PALM2AKAP2: variants seen among roughly 807,000 people sequenced by gnomAD.
The protein encoded by PALM2AKAP2 is PALM2 and AKAP2 fusion, also known as PALM2-AKAP2 fusion protein.
In PALM2AKAP2, 37 loss-of-function variants were observed where a neutral mutation model predicts 71.5. That is an observed-to-expected ratio of 0.52 (90% CI 0.40 to 0.68). PALM2AKAP2 has a LOEUF of 0.68. Among genes scored for constraint, PALM2AKAP2 ranks in the 30% least tolerant of loss-of-function variants. The pLI, the probability that PALM2AKAP2 is intolerant of heterozygous loss-of-function variation, is 0.00. For missense variants in PALM2AKAP2, 1,224 were observed against 1,191.8 expected (o/e 1.03, Z -0.40); for synonymous variants, 468 against 478.8 (o/e 0.98, Z 0.29).
At chr9:109,686,953 T>A (rs141613624) in intron 1 of PALM2AKAP2, among the ~76,000 whole-genome samples, 107 of 152,226 alleles carry the variant, frequency 7.0e-4, no homozygotes, top group African/African-American at 2.3e-3. Context: ...TTGTGATAGT[T>A]TGCTGAGAAT....
chr9:109,994,271 A>G (rs1411156899), intron 6 of PALM2AKAP2, among the ~76,000 whole-genome samples: 4 of 152,240 alleles, frequency 2.6e-5, no homozygotes, highest in African/African-American at 9.6e-5. Flanking sequence ...CGGCAGAGGA[A>G]GACTTTGGGA....
At chr9:110,028,619 A>T (rs1335312249) in intron 7 of PALM2AKAP2, among the ~76,000 whole-genome samples, 1 of 152,178 alleles carries the variant, frequency 6.6e-6, no homozygotes, top group Non-Finnish European at 1.5e-5. Flanking sequence ...GACACTTTGT[A>T]GCCTCTCTGT....
rs34079610 is a variant in PALM2AKAP2 at position 109,820,721 on chromosome 9, G to A, written c.45+40188G>A. 6.3e-3 allele frequency among the ~76,000 whole-genome samples: 962 copies of A among 152,300 alleles called. 6 individuals carry two copies. The highest frequency in any genetic ancestry group is 9.5e-3 in the Non-Finnish European group (644 of 68,032). ...CTCCATGTCTCCTTCAGTTGTAGTC[G>A]TTGGGAGAATCCATGGGTTGACTGG... On this transcript the variant is annotated intron_variant, in intron 1 of 9. Transcript: ENST00000302798.
chr9:110,082,739 G>A (rs1257382868), intron 1 of PALM2AKAP2, among the ~76,000 whole-genome samples: 1 of 152,152 alleles, frequency 6.6e-6, no homozygotes, highest in Non-Finnish European at 1.5e-5. Context: ...CCATGTTAAG[G>A]TATACAGTTC....
intron 3 of PALM2AKAP2, among the ~76,000 whole-genome samples, chr9:109,921,591 T>C (rs1588009990): frequency 6.6e-6 from 1 of 152,366 alleles, no homozygotes; most frequent in Non-Finnish European, 1.5e-5. Context: ...AGCGATGTTA[T>C]TTCCTGGCAG....
intron 1 of PALM2AKAP2, chr9:110,127,539 G>A (rs922686196): frequency 1.3e-5 from 2 of 152,230 alleles, no homozygotes; most frequent in Non-Finnish European, 2.9e-5. Flanking sequence ...GTTATCACCC[G>A]GGGCCTCTCC....
intron 2 of PALM2AKAP2, among the ~76,000 whole-genome samples, chr9:110,152,510 T>A (rs1215961998): frequency 1.3e-5 from 2 of 152,154 alleles, no homozygotes; most frequent in Non-Finnish European, 2.9e-5. Context: ...GGGCATGTCC[T>A]CTTGGCCAAG....
At chr9:110,081,353 C>T (rs73657338) in intron 1 of PALM2AKAP2, among the ~76,000 whole-genome samples, 2,043 of 152,230 alleles carry the variant, frequency 0.013, 52 homozygotes, top group African/African-American at 0.047. Context: ...CTGTTATTTA[C>T]GTTTTGGAAT....
chr9:110,156,673 G>A (rs1031311802), intron 3 of PALM2AKAP2, among the ~76,000 whole-genome samples, 176 bp downstream of exon 9: 1 of 151,982 alleles, frequency 6.6e-6, no homozygotes, highest in African/African-American at 2.4e-5. Flanking sequence ...GTTTTTGCCT[G>A]TTTCAAAAAA....
intron 1 of PALM2AKAP2, among the ~76,000 whole-genome samples, chr9:109,753,736 G>A (rs757527954): frequency 1.7e-4 from 26 of 152,028 alleles, no homozygotes; most frequent in Non-Finnish European, 2.8e-4. Flanking sequence ...TGTGCCTATC[G>A]TTTACTAAAT....
At chr9:109,928,053 G>C (rs540965925) in intron 5 of PALM2AKAP2, among the ~76,000 whole-genome samples, 1 of 152,260 alleles carries the variant, frequency 6.6e-6, no homozygotes, top group East Asian at 1.9e-4. Flanking sequence ...CTTCATACCA[G>C]TTATTCGCAA....
At chr9:109,698,272 ATTTTTTT>A (rs774359983) in intron 1 of PALM2AKAP2, among the ~76,000 whole-genome samples, 78 of 118,566 alleles carry the variant, frequency 6.6e-4, no homozygotes, top group Non-Finnish European at 1.1e-3. Context: ...TGTGTGCTAC[ATTTTTTT>A]TTTTTTTTTT....
At position 109,696,543 on chromosome 9, in the gene PALM2AKAP2, G is replaced by T. The variant is rs116922305; in HGVS notation, c.5+55677G>T. Among the ~76,000 whole-genome samples the T allele has an allele frequency of 5.2e-3, 792 of 152,306 alleles. 1 individual carries two copies. The highest frequency in any genetic ancestry group is 0.01 in the Admixed American group (160 of 15,298). The stretch of plus-strand genomic sequence containing the variant: ...TGGCAATATCTATCAGAATTTTAAA[G>T]TTTATAGCTTTTGACCTGGTTATTT... On this transcript the variant is annotated intron_variant, in intron 1 of 6. Transcript: ENST00000374531.
At chr9:109,962,354 A>G (rs1831866091) in intron 6 of PALM2AKAP2, among the ~76,000 whole-genome samples, 2 of 152,236 alleles carry the variant, frequency 1.3e-5, no homozygotes, top group Non-Finnish European at 2.9e-5. Flanking sequence ...AGTAGGGATC[A>G]GCAACTATGG....
intron 2 of PALM2AKAP2, among the ~76,000 whole-genome samples, chr9:109,872,113 C>T: frequency 6.6e-6 from 1 of 152,232 alleles, no homozygotes; most frequent in East Asian, 1.9e-4. Context: ...CTGCCCATTC[C>T]TGTGCCAGTA....
rs981614141 is a variant in PALM2AKAP2 at position 110,088,721 on chromosome 9, T to G, written c.156+39866T>G. ...TTTACGTGTTTTTTTTTTTTTTTTT[T>G]TTTTTTTTTTTTTTCTGAGACAGAG... On this transcript the variant is annotated intron_variant, in intron 1 of 3. Transcript: ENST00000374525. 1.0e-4 allele frequency among the ~76,000 whole-genome samples: 14 copies of G among 135,626 alleles called. 1 individual carries two copies. The highest frequency in any genetic ancestry group is 2.3e-4 in the Admixed American group (3 of 13,258). 89.0% of individuals were successfully genotyped at this position (135,626 alleles called of 152,430 possible).
At chr9:109,714,497 C>A (rs1464422492) in intron 1 of PALM2AKAP2, among the ~76,000 whole-genome samples, 1 of 152,148 alleles carries the variant, frequency 6.6e-6, no homozygotes, top group Admixed American at 6.5e-5. Flanking sequence ...AATTTCACCC[C>A]ATTCCTTCTT....
At chr9:110,108,796 C>T (rs142724524) in intron 1 of PALM2AKAP2, among the ~76,000 whole-genome samples, 14 of 151,642 alleles carry the variant, frequency 9.2e-5, no homozygotes, top group African/African-American at 2.9e-4. Flanking sequence ...ATATATTGCA[C>T]GACAATAAAA....
At chr9:109,929,398 C>A (rs1831037308) in intron 5 of PALM2AKAP2, among the ~76,000 whole-genome samples, 1 of 152,068 alleles carries the variant, frequency 6.6e-6, no homozygotes, top group African/African-American at 2.4e-5. Context: ...ACCCTCTAGT[C>A]CTAGATTACT....
Sources: gnomAD v4.1 joint callset for allele counts (sites outside exome capture counted in the v4.1 genomes callset) on GRCh38, gnomAD v4.1.1 for gene constraint, MANE v1.5 for transcripts, NCBI Gene and HGNC (gene_info 2026-07-23, HGNC 2026-07-21) for gene names.